The following UNC13C variants were observed in gnomAD, a reference collection of about 807,000 sequenced individuals.
The protein encoded by UNC13C is protein unc-13 homolog C.
In UNC13C, 174 loss-of-function variants were observed where a neutral mutation model predicts 245.4. That is an observed-to-expected ratio of 0.71 (90% CI 0.63 to 0.80). UNC13C has a LOEUF of 0.80. Among genes scored for constraint, UNC13C ranks in the 30% least tolerant of loss-of-function variants. UNC13C has a pLI of 0.00. For synonymous variants in UNC13C, 992 were observed against 895.1 expected (o/e 1.11, Z -1.93); for missense variants, 2,829 against 2,602.9 (o/e 1.09, Z -1.89).
At chr15:54,409,916 G>A (rs2040382903) in intron 18 of UNC13C, among the ~76,000 whole-genome samples, 1 of 152,160 alleles carries the variant, frequency 6.6e-6, no homozygotes, top group African/African-American at 2.4e-5. Flanking sequence ...GAGTTAAATG[G>A]TAGTTGTATT....
chr15:54,318,526 T>C (rs2038067065), intron 13 of UNC13C, among the ~76,000 whole-genome samples: 1 of 151,978 alleles, frequency 6.6e-6, no homozygotes, highest in Non-Finnish European at 1.5e-5. Flanking sequence ...CTGTGTCTTC[T>C]TTTGAAAACT....
the UNC13C span, among the ~76,000 whole-genome samples, chr15:53,944,291 C>G: frequency 6.6e-6 from 1 of 151,690 alleles, no homozygotes; most frequent in Admixed American, 6.6e-5. Context: ...GGTACATGTG[C>G]AAGTTTTGTT....
At chr15:54,274,667 C>CTATTTTTTT (rs2036781199) in intron 10 of UNC13C, among the ~76,000 whole-genome samples, 1 of 91,604 alleles carries the variant, frequency 1.1e-5, no homozygotes, top group Non-Finnish European at 2.0e-5. Context: ...ATAAAGTAGA[C>CTATTTTTTT]TTTTTTTTTT....
the UNC13C span, among the ~76,000 whole-genome samples, chr15:53,841,341 C>A: frequency 6.6e-6 from 1 of 152,018 alleles, no homozygotes; most frequent in African/African-American, 2.4e-5. Context: ...AACTCCCATT[C>A]CTTCCAATTA....
intron 2 of UNC13C, among the ~76,000 whole-genome samples, chr15:54,121,170 T>C (rs1338503807): frequency 6.6e-6 from 1 of 152,140 alleles, no homozygotes; most frequent in African/African-American, 2.4e-5. Flanking sequence ...GAAGAGTCAA[T>C]GAATGTGCCA....
At chr15:54,445,248 C>T (rs1416619660) in intron 19 of UNC13C, among the ~76,000 whole-genome samples, 1 of 152,070 alleles carries the variant, frequency 6.6e-6, no homozygotes, top group African/African-American at 2.4e-5. Context: ...CAAGTCTTTG[C>T]TATTGTGAAT....
At chr15:54,591,121 C>T (rs1300014502) in intron 30 of UNC13C, among the ~76,000 whole-genome samples, 1 of 152,004 alleles carries the variant, frequency 6.6e-6, no homozygotes, top group East Asian at 1.9e-4. Context: ...TTACACTATC[C>T]CTGCATCCCT....
At chr15:54,603,991 C>A (rs999294644) in intron 30 of UNC13C, among the ~76,000 whole-genome samples, 2 of 152,112 alleles carry the variant, frequency 1.3e-5, no homozygotes, top group Admixed American at 6.5e-5. Flanking sequence ...TGTTCTTTCC[C>A]ACTTATTCAG....
rs1895377449 is a variant in UNC13C at position 54,524,853 on chromosome 15, TAGAA to T, written c.5458-688_5458-685del. 2.6e-5 allele frequency among the ~76,000 whole-genome samples: 4 copies of T among 152,284 alleles called. No individual in the cohort carries two copies. The South Asian group carries it at 8.3e-4, about 32-fold the overall frequency. On this transcript the variant is annotated intron_variant, in intron 24 of 32. Transcript: ENST00000260323. ...TGGTAGGAAACTAAATTTCTAAAGGTAGAAAGAAAGAGTCACGTTCCAATTTCAG... is the reference window on the plus strand; with the variant it reads ...TGGTAGGAAACTAAATTTCTAAAGGTAGAAAGAGTCACGTTCCAATTTCAG...
intron 19 of UNC13C, among the ~76,000 whole-genome samples, chr15:54,440,833 C>A (rs1890483566): frequency 6.6e-6 from 1 of 151,920 alleles, no homozygotes; most frequent in South Asian, 2.1e-4. Context: ...ATTTTTTAAT[C>A]TTTTTAATAA....
intron 4 of UNC13C, among the ~76,000 whole-genome samples, chr15:54,144,549 C>A (rs916771688): frequency 1.3e-5 from 2 of 152,182 alleles, no homozygotes; most frequent in African/African-American, 4.8e-5. Flanking sequence ...TTCCTTCAGA[C>A]AGCTAGTGAG....
intron 4 of UNC13C, among the ~76,000 whole-genome samples, chr15:54,190,520 C>T (rs754334613): frequency 1.3e-5 from 2 of 151,898 alleles, no homozygotes; most frequent in African/African-American, 4.8e-5. Flanking sequence ...GATTATGCGC[C>T]ATTCTTCACC....
At chr15:53,839,263 C>T in the UNC13C span, among the ~76,000 whole-genome samples, 3 of 151,972 alleles carry the variant, frequency 2.0e-5, no homozygotes, top group African/African-American at 7.2e-5. Context: ...AAACTGCTAA[C>T]ATTTCCAGTG....
chr15:54,431,959 T>C (rs1290244409), intron 19 of UNC13C, among the ~76,000 whole-genome samples: 2 of 151,648 alleles, frequency 1.3e-5, no homozygotes, highest in East Asian at 1.9e-4. Flanking sequence ...TTTGATTATA[T>C]GAATATATCA....
rs1212592332 is a variant in UNC13C, at chr15:54,519,572, A to T, written c.5458-5977A>T. ...ACCCAGAAGTTAGAAACATGAATTT[A>T]TACAACTGATACCTCTAGCATAACA... is the stretch of plus-strand genomic sequence containing the variant. On this transcript the variant is annotated intron_variant, in intron 24 of 32. Transcript: ENST00000260323. 2.0e-5 allele frequency among the ~76,000 whole-genome samples: 3 copies of T among 152,332 alleles called. No individual in the cohort carries two copies. The East Asian group carries it at 5.8e-4, about 29-fold the overall frequency.
intron 1 of UNC13C, among the ~76,000 whole-genome samples, chr15:53,989,363 G>A (rs1011764377): frequency 6.6e-6 from 1 of 151,508 alleles, no homozygotes; most frequent in Admixed American, 6.6e-5. Flanking sequence ...ATGTTTCTTG[G>A]CTTCTGCCTG....
chr15:54,248,644 A>C lies in UNC13C; in HGVS notation c.3229-1581A>C, dbSNP rs190062678. 2.2e-3 allele frequency among the ~76,000 whole-genome samples: 337 copies of C among 152,122 alleles called. 1 individual carries two copies. Among genetic ancestry groups the C allele is most frequent in the African/African-American group, 7.8e-3 (322 of 41,454 alleles). Reference sequence around the variant, plus strand: ...GAAAAGTGATGGATCCAGTTTTTCTATCTGAATAAACCCTAATATTAGGAT... The same window carrying C: ...GAAAAGTGATGGATCCAGTTTTTCTCTCTGAATAAACCCTAATATTAGGAT... On this transcript the variant is annotated intron_variant, in intron 7 of 32. Coordinates refer to ENST00000260323, the MANE Select transcript of UNC13C (RefSeq NM_001080534.3).
intron 26 of UNC13C, among the ~76,000 whole-genome samples, chr15:54,538,798 G>A (rs1896114495): frequency 6.6e-6 from 1 of 151,980 alleles, no homozygotes; most frequent in South Asian, 2.1e-4. Context: ...TAAACACTGA[G>A]TACAAATAGG....
At chr15:54,242,950 T>C (rs530746393) in intron 7 of UNC13C, among the ~76,000 whole-genome samples, 1 of 152,296 alleles carries the variant, frequency 6.6e-6, no homozygotes, top group Admixed American at 6.5e-5. Context: ...CTTTGTTTTA[T>C]AAAATCCGAA....
Sources: allele counts gnomAD v4.1 joint callset (sites outside exome capture counted in the v4.1 genomes callset), GRCh38; gene constraint gnomAD v4.1.1; transcripts MANE v1.5; gene names NCBI Gene and HGNC (gene_info 2026-07-23, HGNC 2026-07-21).